The following COPS7A variants were observed in gnomAD, a reference collection of about 807,000 sequenced individuals.
COPS7A encodes COP9 signalosome subunit 7A.
Under a neutral mutation model 35.2 loss-of-function variants are expected in COPS7A, and 20 were observed. The ratio of observed to expected loss-of-function variants is 0.57; its 90% CI spans 0.40 to 0.83. The LOEUF (loss-of-function observed/expected upper bound fraction) is 0.83. Among genes scored for constraint, COPS7A ranks in the 40% least tolerant of loss-of-function variants. The probability of loss-of-function intolerance (pLI) is 0.00; values close to 1 mark genes in which losing one functional copy is unlikely to be tolerated. For missense variants in COPS7A, 247 were observed against 347.5 expected, an observed-to-expected ratio of 0.71 and a Z score of 2.30; for synonymous variants, 139 against 141.4, an observed-to-expected ratio of 0.98 and a Z score of 0.12.
At position 6,729,311 on chromosome 12, in the gene COPS7A, T is replaced by G; in HGVS notation, c.392T>G (p.Leu131Arg). The change falls in exon 5 of 8, where the codon CTT (leucine) becomes CGT (arginine). Residue 131 changes from leucine (L) to arginine (R), a missense_variant. By Grantham distance (102) the Leu-to-Arg change is moderately radical. Transcript: ENST00000543155. The surrounding 1 kb of genome is among the most constrained non-coding windows in gnomAD (Gnocchi z 4.2). ...ALRNVRQLEDLVIEAVYADVL... is the reference protein window; with the variant it reads ...ALRNVRQLEDRVIEAVYADVL... Reference sequence around the variant, plus strand: ...CGTAATGTGCGGCAGCTGGAAGACCTTGTGATTGAGGCTGTGTATGCTGAC... The same window carrying G: ...CGTAATGTGCGGCAGCTGGAAGACCGTGTGATTGAGGCTGTGTATGCTGAC... The G allele has an allele frequency of 6.2e-7, 1 of 1,614,120 alleles. No individual in the cohort carries two copies. The highest frequency in any genetic ancestry group is 8.5e-7 in the Non-Finnish European group (1 of 1,180,018).
At chr12:6,726,175 G>A (rs1478416724) in intron 2 of COPS7A, among the ~76,000 whole-genome samples, 1 of 152,062 alleles carries the variant, frequency 6.6e-6, no homozygotes, top group Non-Finnish European at 1.5e-5. Flanking sequence ...TTAGCCGGGT[G>A]TGGTGGCGGG....
At chr12:6,727,855 C>A (rs1941296254) in intron 2 of COPS7A, 71 bp from the exon 3 acceptor site, 2 of 1,482,846 alleles carry the variant, frequency 1.3e-6, no homozygotes, top group Admixed American at 1.7e-5. Flanking sequence ...AAGTGGAGTT[C>A]CAAACAGGGT....
Position 6,729,325 on chromosome 12 carries a change from G to C in COPS7A, c.406G>C (p.Val136Leu). ...GCTGGAAGACCTTGTGATTGAGGCT[G>C]TGTATGCTGACGTGCTTCGTGGCTC... is the stretch of plus-strand genomic sequence containing the variant. ...RQLEDLVIEA[V>L]YADVLRGSLD... is the part of the protein sequence containing the mutation. The change falls in exon 5 of 8, where the codon GTG becomes CTG. Residue 136 changes from valine to leucine, a missense_variant. By Grantham distance (32) the Val-to-Leu change is conservative. Transcript: ENST00000543155. This position sits in a 1 kb window ranked among gnomAD's most constrained non-coding sequence, Gnocchi z 4.2. 1 of 1,614,204 alleles carries C rather than the reference G, an allele frequency of 6.2e-7. No individual in the cohort carries two copies.
At position 6,724,737 on chromosome 12, in the gene COPS7A, G is replaced by A. The variant is rs1453657030; in HGVS notation, c.81G>A (p.Leu27=). Residue 27 remains leucine (L), a synonymous_variant, in exon 2 of 8, where the codon CTG becomes CTA. Transcript: ENST00000543155. ...CCAAGTCGGCCAAGGGGGCAGCGCT[G>A]GCCACACTCATCCATCAGGTGCTGG... ...LLAKSAKGAA[L]ATLIHQVLEA... 5.0e-6 allele frequency: 8 copies of A among 1,614,066 alleles called. No individual in the cohort carries two copies. The highest frequency in any genetic ancestry group is 6.8e-6 in the Non-Finnish European group (8 of 1,180,054).
At chr12:6,725,548 G>A in intron 2 of COPS7A, 3 of 448,908 alleles carry the variant, frequency 6.7e-6, no homozygotes, top group Middle Eastern at 6.6e-4. Context: ...TGGTACAAGT[G>A]GAGAGTGAAC....
At position 6,731,061 on chromosome 12, in the gene COPS7A, G is replaced by T; in HGVS notation, c.*22G>T. 2 of 1,613,972 alleles carry T rather than the reference G, an allele frequency of 1.2e-6. No homozygotes were observed. The highest frequency in any genetic ancestry group is 1.7e-6 in the Non-Finnish European group (2 of 1,179,948). On this transcript the variant is annotated 3_prime_UTR_variant, in exon 8 of 8. Transcript: ENST00000543155. ...TTGAAAGGACTGTCGTTTCCTCCCT[G>T]GGGATGTGGGGTCCCAGCTGCCTGC...
intron 2 of COPS7A, among the ~76,000 whole-genome samples, chr12:6,725,048 C>T (rs942714033): frequency 6.6e-6 from 1 of 152,128 alleles, no homozygotes; most frequent in African/African-American, 2.4e-5. Flanking sequence ...AAAGAGCATC[C>T]TATTCAGAAT....
intron 2 of COPS7A, chr12:6,727,710 G>C: frequency 1.5e-6 from 1 of 672,918 alleles, no homozygotes; most frequent in South Asian, 1.5e-5. Flanking sequence ...AGGGCATTGT[G>C]GTTTGGGAGA....
At chr12:6,725,794 G>A (rs995053669) in intron 2 of COPS7A, 4 of 456,046 alleles carry the variant, frequency 8.8e-6, no homozygotes, top group African/African-American at 8.0e-5. Flanking sequence ...TTTGGGGCCT[G>A]TGGTTTAACC....
chr12:6,725,573 T>C (rs543698383), intron 2 of COPS7A: 1 of 454,108 alleles, frequency 2.2e-6, no homozygotes, highest in Non-Finnish European at 4.4e-6. Context: ...TAAATTAGCA[T>C]GCCCTTTTCT....
intron 2 of COPS7A, chr12:6,727,613 G>T: frequency 3.9e-6 from 2 of 514,104 alleles, no homozygotes; most frequent in Middle Eastern, 3.0e-4. Context: ...AATTTGCAGT[G>T]TCTGGTGTGT....
intron 2 of COPS7A, among the ~76,000 whole-genome samples, chr12:6,726,213 G>A (rs983607733): frequency 2.0e-5 from 3 of 151,604 alleles, no homozygotes; most frequent in African/African-American, 7.3e-5. Flanking sequence ...GCTTGGAAGG[G>A]TGAGGCTGAG....
At chr12:6,727,074 C>T (rs951965593) in intron 2 of COPS7A, among the ~76,000 whole-genome samples, 2 of 152,142 alleles carry the variant, frequency 1.3e-5, no homozygotes, top group South Asian at 4.1e-4. Context: ...CAGTGGCTCA[C>T]GCCTATAATC....
rs773089211 is a variant in COPS7A at position 6,729,206 on chromosome 12, A to T, written c.328-41A>T. On this transcript the variant is annotated intron_variant, in intron 4 of 7. Coordinates refer to ENST00000543155, the MANE Select transcript of COPS7A (RefSeq NM_001164094.2). This position sits in a 1 kb window ranked among gnomAD's most constrained non-coding sequence, Gnocchi z 4.2. ...AGATTTTTGGAAGCCCTTCTCTACT[A>T]CGGAGCGTCACAAATCCTGGCCTGA... is the stretch of plus-strand genomic sequence containing the variant. 11 of 1,608,648 alleles carry T rather than the reference A, an allele frequency of 6.8e-6. 1 individual carries two copies. In the South Asian group the frequency reaches 1.2e-4, roughly 18 times the overall value.
In COPS7A at chr12:6,729,325, G is replaced by A. The variant is rs780351989; in HGVS notation, c.406G>A (p.Val136Met). The A allele has an allele frequency of 2.5e-6, 4 of 1,614,204 alleles. No individual in the cohort carries two copies. In the Admixed American group the frequency reaches 5.0e-5, roughly 20 times the overall value. The change falls in exon 5 of 8, where the codon GTG becomes ATG. Residue 136 changes from valine to methionine, a missense_variant. Transcript: ENST00000543155. This position sits in a 1 kb window ranked among gnomAD's most constrained non-coding sequence, Gnocchi z 4.2. ...RQLEDLVIEA[V>M]YADVLRGSLD... ...GCTGGAAGACCTTGTGATTGAGGCT[G>A]TGTATGCTGACGTGCTTCGTGGCTC...
At chr12:6,728,515 G>A (rs919068511) in intron 4 of COPS7A, among the ~76,000 whole-genome samples, 2 of 152,134 alleles carry the variant, frequency 1.3e-5, no homozygotes, top group Non-Finnish European at 2.9e-5. Context: ...ATCAACTTAA[G>A]TTCTAAATAA....
intron 1 of COPS7A, 52 bp downstream of exon 1, chr12:6,724,231 G>A (rs1941190493): frequency 3.2e-6 from 1 of 310,604 alleles, no homozygotes; most frequent in Non-Finnish European, 6.4e-6. Flanking sequence ...GTGTCTTTAA[G>A]GGAGGGGGCG....
intron 2 of COPS7A, 90 bp downstream of exon 2, chr12:6,724,908 T>TA: frequency 7.2e-7 from 1 of 1,379,798 alleles, no homozygotes; most frequent in Non-Finnish European, 1.0e-6. Context: ...TGTGATCCAA[T>TA]AACCATTCAG....
In COPS7A at chr12:6,730,677, C is replaced by T. The variant is rs1941369486; in HGVS notation, c.645C>T (p.Asn215=). ...LKQQIESEVA[N]LKKTIKVTTA... is the part of the protein sequence containing the mutation. ...TCCTTTCATCCTGGTAGGTTGCCAA[C>T]CTTAAAAAAACCATTAAAGTTACGA... The change falls in exon 7 of 8, where the codon AAC becomes AAT. Residue 215 remains asparagine, a synonymous_variant. Transcript: ENST00000543155. 1 of 1,614,146 alleles carries T rather than the reference C, an allele frequency of 6.2e-7. No individual in the cohort carries two copies. Among genetic ancestry groups the T allele is most frequent in the Non-Finnish European group, 8.5e-7 (1 of 1,180,018 alleles).
Sources: gnomAD v4.1 joint callset for allele counts (sites outside exome capture counted in the v4.1 genomes callset) on GRCh38, gnomAD v4.1.1 for gene constraint, Gnocchi (gnomAD v3.1) non-coding constraint, MANE v1.5 for transcripts, NCBI Gene and HGNC (gene_info 2026-07-23, HGNC 2026-07-21) for gene names.